Variants in NAALADL2 observed in about 807,000 individuals in gnomAD.
NAALADL2 encodes inactive N-acetylated-alpha-linked acidic dipeptidase-like protein 2.
NAALADL2 carries 76 observed loss-of-function variants against 87.2 expected under a neutral mutation model. That is an observed-to-expected ratio of 0.87 (90% CI 0.72 to 1.05). The LOEUF (loss-of-function observed/expected upper bound fraction) is 1.05. NAALADL2 is among the 50% of genes least tolerant of loss of function. NAALADL2 has a pLI of 0.00. For missense variants in NAALADL2, 1,089 were observed against 945.8 expected (o/e 1.15, Z -1.99); for synonymous variants, 354 against 331.0 (o/e 1.07, Z -0.75).
At chr3:174,987,812 T>TA (rs1553911297) in intron 1 of NAALADL2, among the ~76,000 whole-genome samples, 5 of 120,034 alleles carry the variant, frequency 4.2e-5, no homozygotes, top group South Asian at 5.2e-4. Context: ...ATATATATAA[T>TA]TATATATATA....
At chr3:174,772,299 T>C (rs1171315830) in intron 3 of NAALADL2, among the ~76,000 whole-genome samples, 1 of 152,146 alleles carries the variant, frequency 6.6e-6, no homozygotes, top group African/African-American at 2.4e-5. Flanking sequence ...TATTACTACA[T>C]TGGAGAAAAA....
intron 9 of NAALADL2, among the ~76,000 whole-genome samples, chr3:175,474,731 GC>G (rs143802284): frequency 0.68 from 103,206 of 151,710 alleles, 37,165 homozygotes; most frequent in East Asian, 0.9. Flanking sequence ...ATTCAGGACT[GC>G]TTTTCCCTAC....
chr3:174,914,796 C>T (rs762605802), intron 1 of NAALADL2, among the ~76,000 whole-genome samples: 1 of 151,758 alleles, frequency 6.6e-6, no homozygotes, highest in Non-Finnish European at 1.5e-5. Context: ...AGTTTGGAGA[C>T]AAAACAAATT....
At position 175,069,378 on chromosome 3, in the gene NAALADL2, A is replaced by C. The variant is rs572715871; in HGVS notation, c.44-27412A>C. Among the ~76,000 whole-genome samples, 1,432 of 150,326 alleles carry C rather than the reference A, an allele frequency of 9.5e-3. 11 individuals are homozygous for C. Among genetic ancestry groups the C allele is most frequent in the Middle Eastern group, 0.034 (10 of 294 alleles). ...ACATGAACAGACACTTCTCAAAAGA[A>C]GACATTTATGCAGCCAAAACACACA... On this transcript the variant is annotated intron_variant, in intron 1 of 13. Coordinates refer to ENST00000454872, the MANE Select transcript of NAALADL2 (RefSeq NM_207015.3).
intron 11 of NAALADL2, chr3:175,675,486 G>T (rs1167838612): frequency 6.6e-6 from 1 of 152,192 alleles, no homozygotes; most frequent in Non-Finnish European, 1.5e-5. Flanking sequence ...ATAAAACAGA[G>T]ATAAGATCAT....
In NAALADL2 at chr3:175,611,319, GATAA is replaced by G. The variant is rs1199861093; in HGVS notation, c.1801-15968_1801-15965del. 2.0e-5 allele frequency among the ~76,000 whole-genome samples: 3 copies of G among 152,064 alleles called. No homozygotes were observed. The South Asian group carries it at 6.2e-4, about 32-fold the overall frequency. On this transcript the variant is annotated intron_variant, in intron 10 of 13. Transcript: ENST00000454872. Reference sequence around the variant, plus strand: ...CTTATAAATGTGAAATTTGCTCACTGATAAATAGTTAACTTGAGAGAGAATTGTC... The same window carrying G: ...CTTATAAATGTGAAATTTGCTCACTGATAGTTAACTTGAGAGAGAATTGTC...
intron 3 of NAALADL2, among the ~76,000 whole-genome samples, chr3:174,755,511 C>A (rs1711925984): frequency 6.6e-6 from 1 of 152,074 alleles, no homozygotes; most frequent in South Asian, 2.1e-4. Context: ...TAAATATACT[C>A]TTTAATAAAA....
intron 1 of NAALADL2, among the ~76,000 whole-genome samples, chr3:174,452,593 A>C (rs1715561004): frequency 6.6e-6 from 1 of 152,094 alleles, no homozygotes; most frequent in South Asian, 2.1e-4. Context: ...AATTTCGAGG[A>C]GCCAGAGAAC....
chr3:175,601,284 A>G (rs1405703441), intron 10 of NAALADL2, among the ~76,000 whole-genome samples: 1 of 152,204 alleles, frequency 6.6e-6, no homozygotes, highest in Non-Finnish European at 1.5e-5. Context: ...ATTAATATCA[A>G]CATATTGTAT....
At chr3:175,653,918 C>T (rs1014612414) in intron 11 of NAALADL2, among the ~76,000 whole-genome samples, 45 of 152,312 alleles carry the variant, frequency 3.0e-4, no homozygotes, top group South Asian at 8.3e-4. Flanking sequence ...GGTGACCAGA[C>T]ACATTGTACA....
intron 2 of NAALADL2, among the ~76,000 whole-genome samples, chr3:174,648,881 TGAGAG>T (rs918021650): frequency 2.6e-5 from 4 of 152,124 alleles, no homozygotes; most frequent in African/African-American, 9.7e-5. Flanking sequence ...ACATATGTGT[TGAGAG>T]AGAGAGGTTG....
At chr3:175,620,285 G>C (rs4419389) in intron 10 of NAALADL2, among the ~76,000 whole-genome samples, 111,761 of 152,044 alleles carry the variant, frequency 0.74, 41,856 homozygotes, top group East Asian at 0.88. Context: ...CTCAGCTCTT[G>C]CTCGCTGGGA....
At chr3:175,119,698 G>T (rs931512438) in intron 2 of NAALADL2, among the ~76,000 whole-genome samples, 10 of 144,266 alleles carry the variant, frequency 6.9e-5, no homozygotes, top group African/African-American at 2.0e-4. Flanking sequence ...TGTATATATA[G>T]ATATAGATAT....
At chr3:175,623,069 A>G (rs764371924) in intron 10 of NAALADL2, among the ~76,000 whole-genome samples, 1 of 152,094 alleles carries the variant, frequency 6.6e-6, no homozygotes, top group Non-Finnish European at 1.5e-5. Context: ...CTGACCTAAA[A>G]AGAAGGGCAA....
chr3:174,557,184 C>G (rs771482792), intron 2 of NAALADL2, among the ~76,000 whole-genome samples: 3 of 152,006 alleles, frequency 2.0e-5, no homozygotes, highest in African/African-American at 7.2e-5. Context: ...CATTCTGTTT[C>G]GGCCTTTTTA....
chr3:175,096,159 A>ACT (rs1306958641), intron 1 of NAALADL2, among the ~76,000 whole-genome samples: 4 of 151,962 alleles, frequency 2.6e-5, no homozygotes, highest in African/African-American at 9.7e-5. Flanking sequence ...CCTCTCTCAT[A>ACT]CTCTTAAAGT....
In NAALADL2 at chr3:175,665,934, C is replaced by G. The variant is rs558205262; in HGVS notation, c.1896+38548C>G. 1.6e-3 allele frequency among the ~76,000 whole-genome samples: 241 copies of G among 151,570 alleles called. 1 individual carries two copies. The highest frequency in any genetic ancestry group is 5.1e-3 in the African/African-American group (211 of 41,344). On this transcript the variant is annotated intron_variant, in intron 11 of 13. Transcript: ENST00000454872. ...AACAGAGTGGGACTCTGTCCCCCCC[C>G]CAAAAAAAAGGTTTTATTATATTAT... is the stretch of plus-strand genomic sequence containing the variant.
chr3:174,709,335 T>A (rs1730406844), intron 2 of NAALADL2, among the ~76,000 whole-genome samples: 1 of 152,118 alleles, frequency 6.6e-6, no homozygotes, highest in South Asian at 2.1e-4. Context: ...ATTGTTATAA[T>A]ATAAAAATAT....
chr3:174,904,702 T>C (rs939231924), intron 1 of NAALADL2, among the ~76,000 whole-genome samples: 1 of 151,890 alleles, frequency 6.6e-6, no homozygotes, highest in African/African-American at 2.4e-5. Context: ...AGCATCCTAC[T>C]TCTGTTTATG....
Sources: gnomAD v4.1 joint callset for allele counts (sites outside exome capture counted in the v4.1 genomes callset) on GRCh38, gnomAD v4.1.1 for gene constraint, MANE v1.5 for transcripts, NCBI Gene and HGNC (gene_info 2026-07-23, HGNC 2026-07-21) for gene names.